Variants in SH3RF3 observed in about 807,000 individuals in gnomAD.
The protein encoded by SH3RF3 is E3 ubiquitin-protein ligase SH3RF3.
A neutral mutation model predicts 66.3 loss-of-function variants in SH3RF3; 29 were observed. The observed-to-expected ratio is 0.44, with a 90% CI of 0.33 to 0.60. SH3RF3 has a LOEUF of 0.60. Among genes scored for constraint, SH3RF3 ranks in the 20% least tolerant of loss-of-function variants. SH3RF3 has a pLI of 0.04. For synonymous variants in SH3RF3, 583 were observed against 532.0 expected (o/e 1.10, Z -1.32); for missense variants, 1,194 against 1,190.9 (o/e 1.00, Z -0.04).
intron 8 of SH3RF3, among the ~76,000 whole-genome samples, chr2:109,463,820 T>A (rs1221742018): frequency 1.3e-5 from 2 of 152,180 alleles, no homozygotes; most frequent in Admixed American, 1.3e-4. Flanking sequence ...GAATTGTCCC[T>A]CAGTGGAGGC....
chr2:109,190,801 C>T (rs939525346), intron 1 of SH3RF3, among the ~76,000 whole-genome samples: 1 of 151,986 alleles, frequency 6.6e-6, no homozygotes, highest in Non-Finnish European at 1.5e-5. Context: ...TAGACCCAGG[C>T]TCAAATTAAT....
intron 1 of SH3RF3, among the ~76,000 whole-genome samples, chr2:109,219,977 TG>T (rs1173996945): frequency 2.0e-5 from 3 of 152,330 alleles, no homozygotes; most frequent in Admixed American, 6.5e-5. Flanking sequence ...AAAACAATCT[TG>T]AAAAGGAGGA....
chr2:109,469,420 G>T (rs1459175267), intron 8 of SH3RF3, among the ~76,000 whole-genome samples: 1 of 152,208 alleles, frequency 6.6e-6, no homozygotes, highest in Non-Finnish European at 1.5e-5. Flanking sequence ...TTCCATGCAT[G>T]CATCCGCTGC....
intron 1 of SH3RF3, among the ~76,000 whole-genome samples, chr2:109,328,459 C>G (rs1187860023): frequency 6.6e-6 from 1 of 152,170 alleles, no homozygotes; most frequent in Non-Finnish European, 1.5e-5. Flanking sequence ...CCCTGTATTT[C>G]CTGTAAACTG....
At chr2:109,443,138 G>T (rs1677615139) in intron 7 of SH3RF3, among the ~76,000 whole-genome samples, 1 of 152,264 alleles carries the variant, frequency 6.6e-6, no homozygotes, top group Non-Finnish European at 1.5e-5. Context: ...TGGCATGCGT[G>T]CATGGGTGTG....
chr2:109,133,979 G>A (rs750680566), intron 1 of SH3RF3, among the ~76,000 whole-genome samples: 7 of 152,166 alleles, frequency 4.6e-5, no homozygotes, highest in Admixed American at 1.3e-4. Context: ...TGGTCAGCTA[G>A]TGGAGGCCAG....
intron 8 of SH3RF3, among the ~76,000 whole-genome samples, chr2:109,464,952 C>T (rs530079240): frequency 6.6e-6 from 1 of 152,352 alleles, no homozygotes; most frequent in South Asian, 2.1e-4. Context: ...CCCTAAAAAT[C>T]CTCTGTGCTC....
rs115161329 is a variant in SH3RF3 at position 109,414,924 on chromosome 2, C to A, written c.1300-4615C>A. Among the ~76,000 whole-genome samples, 934 of 152,348 alleles carry A rather than the reference C, an allele frequency of 6.1e-3. 6 individuals carry two copies. Among genetic ancestry groups the A allele is most frequent in the African/African-American group, 0.021 (890 of 41,590 alleles). On this transcript the variant is annotated intron_variant, in intron 4 of 9. Transcript: ENST00000309415. ...GATCCCAGAACCTGAGAATGTGTCA[C>A]CTCATGTGGCAAACGGGAAAAGACC...
chr2:109,171,479 AC>A (rs1021387988), intron 1 of SH3RF3, among the ~76,000 whole-genome samples: 11 of 152,018 alleles, frequency 7.2e-5, no homozygotes, highest in African/African-American at 2.7e-4. Flanking sequence ...TTGCCCCCCT[AC>A]CCCGACCCCT....
Position 109,129,406 on chromosome 2 carries a change from T to C in SH3RF3, c.-135T>C. On this transcript the variant is annotated 5_prime_UTR_variant, in exon 1 of 10. Coordinates refer to ENST00000309415, the MANE Select transcript of SH3RF3 (RefSeq NM_001099289.3). The stretch of plus-strand genomic sequence containing the variant: ...ACTTCGCACCGCCACAGCCCTAGCA[T>C]CGGGCCACCAGCCGGGGTGAAGAAA... The C allele has an allele frequency of 7.0e-7, 1 of 1,423,372 alleles. No individual in the cohort carries two copies. The allele number at this position is 1,423,372 out of a possible 1,614,324, so 88.2% of individuals were successfully genotyped here. A position where few individuals can be genotyped will look rare whatever the true frequency, so the allele number is the denominator to read the frequency against.
intron 8 of SH3RF3, among the ~76,000 whole-genome samples, chr2:109,473,242 C>A (rs550836197): frequency 1.3e-5 from 2 of 152,210 alleles, no homozygotes; most frequent in Admixed American, 1.3e-4. Context: ...TGGCCCCATT[C>A]GACGCCTGGG....
chr2:109,193,201 C>T (rs1018404434), intron 1 of SH3RF3, among the ~76,000 whole-genome samples: 3 of 152,334 alleles, frequency 2.0e-5, no homozygotes, highest in African/African-American at 7.2e-5. Context: ...AAATTGTCTG[C>T]CCTTCCTGGG....
At chr2:109,237,398 GCA>G (rs1207512920) in intron 1 of SH3RF3, among the ~76,000 whole-genome samples, 3 of 152,182 alleles carry the variant, frequency 2.0e-5, no homozygotes, top group Non-Finnish European at 2.9e-5. Flanking sequence ...ATAAAAAAGT[GCA>G]CAGTCTTAAC....
intron 1 of SH3RF3, among the ~76,000 whole-genome samples, chr2:109,339,975 C>T (rs1682521311): frequency 6.6e-6 from 1 of 152,170 alleles, no homozygotes; most frequent in African/African-American, 2.4e-5. Flanking sequence ...CCCAGTTACA[C>T]GCTTTGTGAT....
Position 109,504,229 on chromosome 2 carries a change from C to G in SH3RF3, c.*2558C>G, listed in dbSNP as rs1251852477. The G allele has an allele frequency of 6.6e-6, 1 of 152,238 alleles. No homozygotes were observed. The highest frequency in any genetic ancestry group is 1.5e-5 in the Non-Finnish European group (1 of 68,048). 9.4% of individuals were successfully genotyped at this position (152,238 alleles called of 1,614,324 possible). A position where few individuals can be genotyped will look rare whatever the true frequency, so the allele number is the denominator to read the frequency against. On this transcript the variant is annotated 3_prime_UTR_variant, in exon 10 of 10. Transcript: ENST00000309415. ...CTAACCCTTATGTTTCATCCTGGCCCCATGATGTACACATCTTAGCCATGT... is the reference window on the plus strand; with the variant it reads ...CTAACCCTTATGTTTCATCCTGGCCGCATGATGTACACATCTTAGCCATGT...
At chr2:109,326,621 T>G (rs1559025261) in intron 1 of SH3RF3, among the ~76,000 whole-genome samples, 1 of 152,250 alleles carries the variant, frequency 6.6e-6, no homozygotes, top group Admixed American at 6.5e-5. Context: ...TTTCAGGTCT[T>G]TGGGGACCAT....
chr2:109,295,658 G>A (rs1681290143), intron 1 of SH3RF3, among the ~76,000 whole-genome samples: 1 of 147,614 alleles, frequency 6.8e-6, no homozygotes, highest in Non-Finnish European at 1.5e-5. Flanking sequence ...ACAGGACAGG[G>A]GCCTGCTGCC....
At position 109,501,950 on chromosome 2, in the gene SH3RF3, C is replaced by T. The variant is rs181345696; in HGVS notation, c.*279C>T. 169 of 391,664 alleles carry T rather than the reference C, an allele frequency of 4.3e-4. No individual in the cohort carries two copies. Among genetic ancestry groups the T allele is most frequent in the Admixed American group, 8.1e-4 (22 of 27,120 alleles). 24.3% of individuals were successfully genotyped at this position (391,664 alleles called of 1,614,324 possible). On this transcript the variant is annotated 3_prime_UTR_variant, in exon 10 of 10. Transcript: ENST00000309415. ...CACCTTGAGGAAGAGAGGCAGGTGC[C>T]GGCGCAGGCAGGCCTGTGGCTGTGG...
At chr2:109,315,822 C>T (rs1281883161) in intron 1 of SH3RF3, among the ~76,000 whole-genome samples, 1 of 152,080 alleles carries the variant, frequency 6.6e-6, no homozygotes, top group Non-Finnish European at 1.5e-5. Context: ...GCTTTTCCAC[C>T]CTAGAATGAC....
Sources: gnomAD v4.1 joint callset for allele counts (sites outside exome capture counted in the v4.1 genomes callset) on GRCh38, gnomAD v4.1.1 for gene constraint, MANE v1.5 for transcripts, NCBI Gene and HGNC (gene_info 2026-07-23, HGNC 2026-07-21) for gene names.